DPYSL5: variants seen among roughly 807,000 people sequenced by gnomAD.
The protein encoded by DPYSL5 is dihydropyrimidinase like 5, also known as dihydropyrimidinase-related protein 5.
Under a neutral mutation model 58.4 loss-of-function variants are expected in DPYSL5, and 9 were observed. That is an observed-to-expected ratio of 0.15 (90% CI 0.09 to 0.27). DPYSL5 has a LOEUF of 0.27. Ranked by LOEUF, DPYSL5 falls within the 10% of genes least tolerant of loss-of-function variation. The probability of loss-of-function intolerance (pLI) is 1.00; values close to 1 mark genes in which losing one functional copy is unlikely to be tolerated. For synonymous variants in DPYSL5, 293 were observed against 301.9 expected (o/e 0.97, Z 0.31); for missense variants, 499 against 770.6 (o/e 0.65, Z 4.17).
chr2:26,942,110 T>TC lies in DPYSL5; in HGVS notation c.1232+22dup, dbSNP rs1430058927. Reference sequence around the variant, plus strand: ...GCCACAAAGTAAAGTTTGTTGCTCGTCCCCAGGGCTAGAGGGGCTTGGGAT... The same window carrying TC: ...GCCACAAAGTAAAGTTTGTTGCTCGTCCCCCAGGGCTAGAGGGGCTTGGGAT... On this transcript the variant is annotated intron_variant, in intron 10 of 12. Transcript: ENST00000288699. The surrounding 1 kb of genome is among the most constrained non-coding windows in gnomAD (Gnocchi z 5.9). 1 of 1,613,994 alleles carries TC rather than the reference T, an allele frequency of 6.2e-7. No individual in the cohort carries two copies. Among genetic ancestry groups the TC allele is most frequent in the East Asian group, 2.2e-5 (1 of 44,868 alleles).
chr2:26,906,169 A>C (rs1056268149), intron 2 of DPYSL5, among the ~76,000 whole-genome samples: 6 of 150,224 alleles, frequency 4.0e-5, no homozygotes, highest in Non-Finnish European at 7.4e-5. Context: ...CTCTTTCACC[A>C]AGAAAAAAAC....
intron 5 of DPYSL5, among the ~76,000 whole-genome samples, chr2:26,928,780 G>A (rs1173107722): frequency 7.1e-6 from 1 of 141,200 alleles, no homozygotes; most frequent in Admixed American, 7.0e-5. Flanking sequence ...TGTGTGTATA[G>A]CATCATTTTC....
rs149534583 is a variant in DPYSL5, at chr2:26,933,270, A to G, written c.727A>G (p.Ile243Val). 7 of 1,614,006 alleles carry G rather than the reference A, an allele frequency of 4.3e-6. No individual in the cohort carries two copies. In the African/African-American group the frequency reaches 8.0e-5, roughly 18 times the overall value. The change falls in exon 7 of 13, where the codon ATC (isoleucine) becomes GTC (valine). Residue 243 changes from isoleucine to valine, a missense_variant. Transcript: ENST00000288699. This position sits in a 1 kb window ranked among gnomAD's most constrained non-coding sequence, Gnocchi z 4.2. ...TTCTTGTGTTTAGACTCACTGTCCA[A>G]TCTACCTGGTCAACGTGTCCAGTAT... ...ITIANRTHCPIYLVNVSSISA... is the reference protein window; with the variant it reads ...ITIANRTHCPVYLVNVSSISA...
At position 26,931,199 on chromosome 2, in the gene DPYSL5, GTGTGTATATA is replaced by G. The variant is rs1412561062; in HGVS notation, c.670-439_670-430del. 4.9e-4 allele frequency among the ~76,000 whole-genome samples: 26 copies of G among 52,876 alleles called. 1 individual carries two copies. The highest frequency in any genetic ancestry group is 1.5e-3 in the African/African-American group (25 of 16,520). 34.7% of individuals were successfully genotyped at this position (52,876 alleles called of 152,430 possible). A position where few individuals can be genotyped will look rare whatever the true frequency, so the allele number is the denominator to read the frequency against. On this transcript the variant is annotated intron_variant, in intron 5 of 12. Coordinates refer to ENST00000288699, the MANE Select transcript of DPYSL5 (RefSeq NM_020134.4). ...TGTGTGTGTGTGTGTGTGTGTGTGT[GTGTGTATATA>G]TATATATATATATATATATATGAAT...
At chr2:26,894,379 G>T (rs188086589) in intron 1 of DPYSL5, among the ~76,000 whole-genome samples, 10 of 152,226 alleles carry the variant, frequency 6.6e-5, no homozygotes, top group African/African-American at 2.4e-4. Context: ...TCGCTTATAT[G>T]CCTGTCTCTT....
chr2:26,879,140 A>G (rs888972032), intron 1 of DPYSL5, among the ~76,000 whole-genome samples: 6 of 152,174 alleles, frequency 3.9e-5, no homozygotes, highest in Non-Finnish European at 7.3e-5. Context: ...TCAATCTGCT[A>G]ATAGTGTGGA....
intron 1 of DPYSL5, among the ~76,000 whole-genome samples, chr2:26,889,835 C>T (rs1240861441): frequency 6.6e-6 from 1 of 152,206 alleles, no homozygotes; most frequent in Non-Finnish European, 1.5e-5. Flanking sequence ...CATGTGCACA[C>T]ACAGACAGCC....
chr2:26,937,037 A>G (rs934911753), intron 8 of DPYSL5, among the ~76,000 whole-genome samples: 2 of 151,648 alleles, frequency 1.3e-5, no homozygotes, highest in African/African-American at 4.8e-5. Context: ...AGACTCCACT[A>G]TAATAATGTG....
At chr2:26,913,754 G>A (rs777496324) in intron 2 of DPYSL5, among the ~76,000 whole-genome samples, 6 of 152,140 alleles carry the variant, frequency 3.9e-5, no homozygotes. Flanking sequence ...TGAGAGTGAT[G>A]TCACTTTTGC....
In DPYSL5 at chr2:26,944,606, G is replaced by C; in HGVS notation, c.1441-50G>C. On this transcript the variant is annotated intron_variant, in intron 11 of 12. Transcript: ENST00000288699. This position sits in a 1 kb window ranked among gnomAD's most constrained non-coding sequence, Gnocchi z 4.4. Reference sequence around the variant, plus strand: ...AGGGAGGCCATGGTTGTATCACTCAGCTCTGATGGTGTTGTCCTGTTCTTC... The same window carrying C: ...AGGGAGGCCATGGTTGTATCACTCACCTCTGATGGTGTTGTCCTGTTCTTC... 1 of 1,592,940 alleles carries C rather than the reference G, an allele frequency of 6.3e-7. No individual in the cohort carries two copies. Among genetic ancestry groups the C allele is most frequent in the Non-Finnish European group, 8.6e-7 (1 of 1,167,586 alleles).
chr2:26,889,536 C>T (rs1180808780), intron 1 of DPYSL5, among the ~76,000 whole-genome samples: 1 of 152,092 alleles, frequency 6.6e-6, no homozygotes, highest in Non-Finnish European at 1.5e-5. Flanking sequence ...TCCCAAAGTG[C>T]TGGGATTACA....
intron 1 of DPYSL5, among the ~76,000 whole-genome samples, chr2:26,867,154 T>C (rs895995223): frequency 6.6e-6 from 1 of 152,194 alleles, no homozygotes; most frequent in Admixed American, 6.5e-5. Context: ...CATCAATGTA[T>C]ATAAATATAT....
At position 26,927,499 on chromosome 2, in the gene DPYSL5, C is replaced by T; in HGVS notation, c.600+67C>T. On this transcript the variant is annotated intron_variant, in intron 4 of 12. Coordinates refer to ENST00000288699, the MANE Select transcript of DPYSL5 (RefSeq NM_020134.4). The surrounding 1 kb of genome is among the most constrained non-coding windows in gnomAD (Gnocchi z 4.3). The stretch of plus-strand genomic sequence containing the variant: ...GGAGACAGTTAGTTCTCAGGGGATT[C>T]CTGACCACCCGTCACTGATCCCACA... The T allele has an allele frequency of 6.4e-7, 1 of 1,553,460 alleles. No individual in the cohort carries two copies. The highest frequency in any genetic ancestry group is 1.2e-5 in the South Asian group (1 of 82,918).
At chr2:26,848,810 T>C (rs925586139) in intron 1 of DPYSL5, among the ~76,000 whole-genome samples, 8 of 152,012 alleles carry the variant, frequency 5.3e-5, no homozygotes, top group Admixed American at 4.6e-4. Flanking sequence ...AGCGGACGCC[T>C]GCAGAGGACT....
chr2:26,927,383 T>G lies in DPYSL5; in HGVS notation c.551T>G (p.Ile184Ser). The stretch of plus-strand genomic sequence containing the variant: ...CAAGTGTTGCACGCTTGCAAGGACA[T>G]TGGGGCAATCGCCCGCGTCCATGCT... ...LYQVLHACKD[I>S]GAIARVHAEN... The change falls in exon 4 of 13, where the codon ATT becomes AGT. Residue 184 changes from isoleucine to serine, a missense_variant. This residue lies in a region of DPYSL5 where 404 missense variants were observed against 647.6 expected (regional missense o/e 0.62). Transcript: ENST00000288699. This position sits in a 1 kb window ranked among gnomAD's most constrained non-coding sequence, Gnocchi z 4.3. 1 of 1,614,246 alleles carries G rather than the reference T, an allele frequency of 6.2e-7. No homozygotes were observed. Among genetic ancestry groups the G allele is most frequent in the South Asian group, 1.1e-5 (1 of 91,090 alleles).
chr2:26,865,312 CTT>C (rs1192892146), intron 1 of DPYSL5, among the ~76,000 whole-genome samples: 29,794 of 89,080 alleles, frequency 0.33, 4,327 homozygotes, highest in Admixed American at 0.41. Context: ...GTTTTGTGTT[CTT>C]TTTTTTTTTT....
intron 6 of DPYSL5, among the ~76,000 whole-genome samples, chr2:26,932,910 G>A (rs1665068067): frequency 6.6e-6 from 1 of 152,150 alleles, no homozygotes; most frequent in Non-Finnish European, 1.5e-5. Flanking sequence ...TTTATGAACA[G>A]GAAATTAAAA....
intron 1 of DPYSL5, among the ~76,000 whole-genome samples, chr2:26,880,534 C>T (rs1159588103): frequency 1.3e-5 from 2 of 152,226 alleles, no homozygotes; most frequent in Non-Finnish European, 2.9e-5. Flanking sequence ...TATGTTCTGT[C>T]TCTCCAAGCT....
intron 1 of DPYSL5, among the ~76,000 whole-genome samples, chr2:26,891,084 C>G (rs1340546905): frequency 6.6e-6 from 1 of 152,182 alleles, no homozygotes; most frequent in East Asian, 1.9e-4. Context: ...CTTTCAATCT[C>G]TGCTCTGTTA....
Sources: allele counts gnomAD v4.1 joint callset (sites outside exome capture counted in the v4.1 genomes callset), GRCh38; gene constraint gnomAD v4.1.1; regional missense constraint gnomAD v4.1.1; non-coding constraint Gnocchi (gnomAD v3.1); transcripts MANE v1.5; gene names NCBI Gene and HGNC (gene_info 2026-07-23, HGNC 2026-07-21).